Variants in CNTN5 observed in about 807,000 individuals in gnomAD.
The protein encoded by CNTN5 is contactin 5.
CNTN5 carries 77 observed loss-of-function variants against 129.1 expected under a neutral mutation model. The ratio of observed to expected loss-of-function variants is 0.60; its 90% CI spans 0.50 to 0.72. The LOEUF (loss-of-function observed/expected upper bound fraction) is 0.72, where lower values mean the gene tolerates loss of function less well. CNTN5 is among the 30% of genes least tolerant of loss of function. CNTN5 has a pLI of 0.00. For missense variants in CNTN5, 1,478 were observed against 1,328.8 expected, an observed-to-expected ratio of 1.11 and a Z score of -1.75; for synonymous variants, 509 against 465.6, an observed-to-expected ratio of 1.09 and a Z score of -1.20.
At chr11:99,792,573 G>GTGTGTGTGTGTGTGTGTGTGTGTC (rs34622017) in intron 3 of CNTN5, among the ~76,000 whole-genome samples, 43 of 116,676 alleles carry the variant, frequency 3.7e-4, no homozygotes, top group African/African-American at 1.1e-3. Context: ...GTGTGTGTGT[G>GTGTGTGTGTGTGTGTGTGTGTGTC]TGTCTGTCTG....
intron 3 of CNTN5, among the ~76,000 whole-genome samples, chr11:99,671,705 G>A (rs914356456): frequency 6.6e-6 from 1 of 152,068 alleles, no homozygotes; most frequent in Non-Finnish European, 1.5e-5. Flanking sequence ...TCTCTGAAGT[G>A]TCCCACAAAA....
intron 2 of CNTN5, among the ~76,000 whole-genome samples, chr11:99,382,190 C>T (rs1423398212): frequency 1.3e-5 from 2 of 152,118 alleles, no homozygotes; most frequent in Non-Finnish European, 2.9e-5. Flanking sequence ...TAATAGCATC[C>T]TTCCAGAACG....
rs145224977 is a variant in CNTN5, at chr11:100,161,751, G to A, written c.1581-29375G>A. Among the ~76,000 whole-genome samples the A allele has an allele frequency of 2.0e-5, 3 of 149,602 alleles. No homozygotes were observed. In the Admixed American group the frequency reaches 2.0e-4, roughly 10 times the overall value. On this transcript the variant is annotated intron_variant, in intron 13 of 24. Coordinates refer to ENST00000524871, the MANE Select transcript of CNTN5 (RefSeq NM_014361.4). Reference sequence around the variant, plus strand: ...TGACAGAAGGTGGTTATTAATTTTAGTAAAAGCAGAGGTCAGAGGTCTGTG... The same window carrying A: ...TGACAGAAGGTGGTTATTAATTTTAATAAAAGCAGAGGTCAGAGGTCTGTG...
intron 2 of CNTN5, among the ~76,000 whole-genome samples, chr11:99,349,626 G>A (rs80006262): frequency 0.05 from 7,686 of 152,252 alleles, 222 homozygotes; most frequent in Middle Eastern, 0.068. Context: ...AATGACAGCA[G>A]GTCCGGTTGA....
chr11:99,861,123 T>C (rs944375928), intron 6 of CNTN5, among the ~76,000 whole-genome samples: 3 of 149,600 alleles, frequency 2.0e-5, no homozygotes, highest in African/African-American at 5.1e-5. Context: ...GCCTGGCTAA[T>C]TTTTTTTGCA....
In CNTN5 at chr11:100,266,343, T is replaced by C. The variant is rs1685097246; in HGVS notation, c.2165-4749T>C. ...TTCGTTGCTGTCATGTTCTCTCTGATGCACAATGTTTTCTTTGAAACCAAG... is the reference window on the plus strand; with the variant it reads ...TTCGTTGCTGTCATGTTCTCTCTGACGCACAATGTTTTCTTTGAAACCAAG... On this transcript the variant is annotated intron_variant, in intron 17 of 24. Transcript: ENST00000524871. 2.6e-5 allele frequency among the ~76,000 whole-genome samples: 4 copies of C among 152,144 alleles called. No homozygotes were observed. The South Asian group carries it at 8.3e-4, about 31-fold the overall frequency.
At chr11:99,865,858 T>C (rs961823941) in intron 6 of CNTN5, among the ~76,000 whole-genome samples, 10 of 152,160 alleles carry the variant, frequency 6.6e-5, no homozygotes, top group Middle Eastern at 3.2e-3. Context: ...TCACTTGTTT[T>C]AATTATTTTT....
At chr11:99,130,385 C>T (rs4433536) in intron 1 of CNTN5, among the ~76,000 whole-genome samples, 13,491 of 152,040 alleles carry the variant, frequency 0.089, 745 homozygotes, top group South Asian at 0.12. Flanking sequence ...TACATAATGG[C>T]GTAAGGTTTA....
At chr11:99,969,484 CT>C (rs1951190212) in intron 8 of CNTN5, among the ~76,000 whole-genome samples, 1 of 152,096 alleles carries the variant, frequency 6.6e-6, no homozygotes, top group Admixed American at 6.6e-5. Flanking sequence ...TGAGAAACTA[CT>C]TGACACTCAA....
At chr11:100,078,270 T>C (rs957923013) in intron 13 of CNTN5, among the ~76,000 whole-genome samples, 3 of 152,150 alleles carry the variant, frequency 2.0e-5, no homozygotes, top group Non-Finnish European at 4.4e-5. Context: ...TATTCTAAAG[T>C]TGAAAATTTG....
At chr11:100,326,200 T>C (rs1488535128) in intron 21 of CNTN5, among the ~76,000 whole-genome samples, 2 of 152,090 alleles carry the variant, frequency 1.3e-5, no homozygotes, top group Non-Finnish European at 2.9e-5. Flanking sequence ...ATAAGAAAAT[T>C]TTATTTTTAA....
chr11:99,727,108 C>T (rs1013519135), intron 3 of CNTN5, among the ~76,000 whole-genome samples: 8 of 149,780 alleles, frequency 5.3e-5, no homozygotes, highest in African/African-American at 1.7e-4. Flanking sequence ...AGATCGAGAC[C>T]ATCCTGGCTA....
chr11:99,493,745 A>G (rs116498615), intron 2 of CNTN5, among the ~76,000 whole-genome samples: 2 of 152,308 alleles, frequency 1.3e-5, no homozygotes, highest in African/African-American at 4.8e-5. Context: ...AGCAAATGTC[A>G]TTTGAGCAAA....
At chr11:100,198,871 C>T (rs1948710748) in intron 15 of CNTN5, among the ~76,000 whole-genome samples, 1 of 151,834 alleles carries the variant, frequency 6.6e-6, no homozygotes, top group African/African-American at 2.4e-5. Flanking sequence ...CCCTTAGTGC[C>T]TTGAGAATTT....
At chr11:99,114,743 T>C (rs916373966) in intron 1 of CNTN5, among the ~76,000 whole-genome samples, 1 of 152,194 alleles carries the variant, frequency 6.6e-6, no homozygotes, top group African/African-American at 2.4e-5. Flanking sequence ...TAAACATTCA[T>C]CTGTCAAGCA....
intron 3 of CNTN5, chr11:99,558,215 T>C (rs1388880235): frequency 5.7e-6 from 2 of 350,808 alleles, no homozygotes; most frequent in South Asian, 2.2e-5. Context: ...TTGTGCAGCA[T>C]TACTGTCTTC....
intron 7 of CNTN5, among the ~76,000 whole-genome samples, chr11:99,935,133 A>G (rs1028705484): frequency 6.6e-6 from 1 of 151,344 alleles, no homozygotes; most frequent in African/African-American, 2.4e-5. Context: ...AAAAATATTA[A>G]TAAATTAGCA....
intron 1 of CNTN5, among the ~76,000 whole-genome samples, chr11:99,239,500 G>C (rs78323529): frequency 0.04 from 6,029 of 152,154 alleles, 409 homozygotes; most frequent in African/African-American, 0.14. Context: ...ATTGTTGAAG[G>C]ACGGAAAATT....
At position 99,799,611 on chromosome 11, in the gene CNTN5, A is replaced by G. The variant is rs57866138; in HGVS notation, c.56-19933A>G. The stretch of plus-strand genomic sequence containing the variant: ...AATGAAGTCTACTTGATCATGAAGA[A>G]TTAACTTTTTGATAAGCTGTAGGAT... On this transcript the variant is annotated intron_variant, in intron 3 of 24. Coordinates refer to ENST00000524871, the MANE Select transcript of CNTN5 (RefSeq NM_014361.4). Among the ~76,000 whole-genome samples, 1,131 of 152,192 alleles carry G rather than the reference A, an allele frequency of 7.4e-3. 13 individuals carry two copies. The highest frequency in any genetic ancestry group is 0.026 in the African/African-American group (1,084 of 41,542).
Sources: allele counts gnomAD v4.1 joint callset (sites outside exome capture counted in the v4.1 genomes callset), GRCh38; gene constraint gnomAD v4.1.1; transcripts MANE v1.5; gene names NCBI Gene and HGNC (gene_info 2026-07-23, HGNC 2026-07-21).